The following VPS13D variants were observed in gnomAD, a reference collection of about 807,000 sequenced individuals.
VPS13D encodes vacuolar protein sorting 13 homolog D.
A neutral mutation model predicts 461.9 loss-of-function variants in VPS13D; 187 were observed. That is an observed-to-expected ratio of 0.40 (90% CI 0.36 to 0.46). VPS13D has a LOEUF of 0.46. Among genes scored for constraint, VPS13D ranks in the 20% least tolerant of loss-of-function variants. The pLI, the probability that VPS13D is intolerant of heterozygous loss-of-function variation, is 0.60. For missense variants in VPS13D, 4,711 were observed against 5,364.9 expected (o/e 0.88, Z 3.81); for synonymous variants, 1,951 against 1,986.3 (o/e 0.98, Z 0.47).
At chr1:12,412,147 A>G (rs1479709641) in intron 63 of VPS13D, among the ~76,000 whole-genome samples, 1 of 152,246 alleles carries the variant, frequency 6.6e-6, no homozygotes, top group East Asian at 1.9e-4. Flanking sequence ...ATTAAACATT[A>G]TTGTGAAAAA....
chr1:12,273,810 A>G (rs926690988), intron 18 of VPS13D, among the ~76,000 whole-genome samples: 8 of 152,102 alleles, frequency 5.3e-5, no homozygotes, highest in Non-Finnish European at 1.2e-4. Flanking sequence ...GTTCATGGCC[A>G]TTTGAGTTGC....
At chr1:12,482,300 C>T (rs1292118759) in intron 67 of VPS13D, among the ~76,000 whole-genome samples, 2 of 152,210 alleles carry the variant, frequency 1.3e-5, no homozygotes, top group African/African-American at 4.8e-5. Flanking sequence ...GAAAGCCATT[C>T]CTGACTAAGC....
intron 35 of VPS13D, among the ~76,000 whole-genome samples, chr1:12,325,875 T>C (rs1643168275): frequency 6.6e-6 from 1 of 152,100 alleles, no homozygotes; most frequent in African/African-American, 2.4e-5. Context: ...TGGTGTGAAC[T>C]TTTGTCTATG....
At position 12,293,685 on chromosome 1, in the gene VPS13D, C is replaced by T. The variant is rs1642194536; in HGVS notation, c.6014C>T (p.Ala2005Val). Reference protein sequence around the residue: ...QLQDVLGRQRAAIEGQTVRDQ... With the variant: ...QLQDVLGRQRVAIEGQTVRDQ... ...CAGGATGTCTTAGGGCGCCAGCGAG[C>T]TGCTATTGAGGGGCAGACGGTAGGT... The change falls in exon 24 of 70, where the codon GCT becomes GTT. Residue 2005 changes from alanine (A) to valine (V), a missense_variant. Ala to Val is a moderately conservative substitution (Grantham distance 64). Transcript: ENST00000620676. The T allele has an allele frequency of 6.2e-7, 1 of 1,613,834 alleles. No individual in the cohort carries two copies. Among genetic ancestry groups the T allele is most frequent in the Non-Finnish European group, 8.5e-7 (1 of 1,179,930 alleles).
intron 68 of VPS13D, among the ~76,000 whole-genome samples, chr1:12,500,797 C>G (rs893884490): frequency 6.6e-5 from 10 of 151,036 alleles, no homozygotes; most frequent in African/African-American, 2.4e-4. Context: ...AAGTCATCCT[C>G]CCACCTCAGC....
At chr1:12,421,889 C>T (rs565197194) in intron 65 of VPS13D, among the ~76,000 whole-genome samples, 12 of 152,272 alleles carry the variant, frequency 7.9e-5, no homozygotes, top group South Asian at 4.2e-4. Context: ...GGTGCAATCT[C>T]GGCTCACTGA....
intron 42 of VPS13D, chr1:12,344,831 G>T (rs1643641269): frequency 1.3e-5 from 2 of 152,362 alleles, no homozygotes; most frequent in South Asian, 4.1e-4. Flanking sequence ...TGTTCCTCCT[G>T]TTCTGCCCAC....
chr1:12,308,656 T>A lies in VPS13D; in HGVS notation c.6650+15T>A. ...AATTTGGACAAGTGAGTGTTTTTTT[T>A]TTTTTTTGAGATGGAGTCTCGCTCT... On this transcript the variant is annotated intron_variant, in intron 27 of 69. Transcript: ENST00000620676. 1 of 1,612,012 alleles carries A rather than the reference T, an allele frequency of 6.2e-7. No homozygotes were observed. Among genetic ancestry groups the A allele is most frequent in the South Asian group, 1.1e-5 (1 of 90,870 alleles).
intron 67 of VPS13D, among the ~76,000 whole-genome samples, chr1:12,475,030 G>A (rs574029778): frequency 6.6e-6 from 1 of 152,224 alleles, no homozygotes; most frequent in South Asian, 2.1e-4. Flanking sequence ...TGACAGAGTA[G>A]CATGGAGCCT....
intron 67 of VPS13D, among the ~76,000 whole-genome samples, chr1:12,462,011 C>T (rs1188909616): frequency 6.6e-6 from 1 of 152,118 alleles, no homozygotes. Context: ...GATTTTCTGT[C>T]AGCCAGTACA....
At chr1:12,362,980 T>C in intron 51 of VPS13D, 92 bp from the exon 52 acceptor site, 3 of 1,580,512 alleles carry the variant, frequency 1.9e-6, no homozygotes, top group Non-Finnish European at 2.6e-6. Flanking sequence ...AGATAGCTCC[T>C]GTTAGAGGGT....
At chr1:12,317,925 C>T in intron 30 of VPS13D, 147 bp from the exon 31 acceptor site, 1 of 684,714 alleles carries the variant, frequency 1.5e-6, no homozygotes, top group Non-Finnish European at 2.5e-6. Flanking sequence ...GTTATTCAAC[C>T]AGTGTTCAAA....
At position 12,276,739 on chromosome 1, in the gene VPS13D, C is replaced by T. The variant is rs992560396; in HGVS notation, c.3151C>T (p.His1051Tyr). The part of the protein sequence containing the change: ...QSPVSGPNVA[H>Y]LTDGATLNDR... ...TCCTGTCTCTGGACCGAATGTGGCC[C>T]ACTTAACTGATGGAGCTACACTGAA... Residue 1051 changes from histidine (H) to tyrosine (Y), a missense_variant, in exon 19 of 70, where the codon CAC becomes TAC. Around this residue, in one of 3 missense-constraint regions of VPS13D, gnomAD observed 4,411 missense variants for 4,937.8 expected, o/e 0.89. Transcript: ENST00000620676. This position sits in a 1 kb window ranked among gnomAD's most constrained non-coding sequence, Gnocchi z 4.5. 2 of 1,614,168 alleles carry T rather than the reference C, an allele frequency of 1.2e-6. No homozygotes were observed. Among genetic ancestry groups the T allele is most frequent in the Non-Finnish European group, 1.7e-6 (2 of 1,180,028 alleles).
At chr1:12,370,586 T>G (rs943668586) in intron 54 of VPS13D, among the ~76,000 whole-genome samples, 2 of 152,250 alleles carry the variant, frequency 1.3e-5, no homozygotes, top group Non-Finnish European at 2.9e-5. Context: ...TAATTGAATC[T>G]GCAGAGAAGG....
intron 3 of VPS13D, among the ~76,000 whole-genome samples, chr1:12,243,246 T>C (rs1640439970): frequency 6.6e-6 from 1 of 151,688 alleles, no homozygotes; most frequent in Admixed American, 6.6e-5. Context: ...TGAGCCACCA[T>C]GCCTGGCCTC....
chr1:12,329,851 A>G lies in VPS13D; in HGVS notation c.8220A>G (p.Val2740=), dbSNP rs949848898. The change falls in exon 37 of 70, where the codon GTA becomes GTG. Residue 2740 remains valine, a synonymous_variant. Coordinates refer to ENST00000620676, the MANE Select transcript of VPS13D (RefSeq NM_015378.4). ...CAGGTCTGAATTTTCTTCAGCGTGT[A>G]AGAACTAGCCCTGAAGGCTATGCCC... ...TFSRLNFLQR[V]RTSPEGYAHF... The G allele has an allele frequency of 4.3e-6, 7 of 1,614,162 alleles. No individual in the cohort carries two copies. Among genetic ancestry groups the G allele is most frequent in the Admixed American group, 1.7e-5 (1 of 60,028 alleles).
chr1:12,464,584 A>G (rs76628199), intron 67 of VPS13D, among the ~76,000 whole-genome samples: 1 of 151,750 alleles, frequency 6.6e-6, no homozygotes, highest in East Asian at 1.9e-4. Context: ...CCCCCTCCTT[A>G]TGTTCTTTTA....
chr1:12,459,483 T>TTTC (rs534452722), intron 66 of VPS13D, among the ~76,000 whole-genome samples: 56 of 112,654 alleles, frequency 5.0e-4, no homozygotes, highest in African/African-American at 1.8e-3. Context: ...TTTTCTTTTC[T>TTTC]TTTTTTTTTT....
intron 2 of VPS13D, 38 bp from the exon 3 acceptor site, chr1:12,242,475 G>C: frequency 6.3e-7 from 1 of 1,586,714 alleles, no homozygotes; most frequent in Non-Finnish European, 8.7e-7. Flanking sequence ...TACTGTATTT[G>C]TTAAATGGAT....
Sources: allele counts gnomAD v4.1 joint callset (sites outside exome capture counted in the v4.1 genomes callset), GRCh38; gene constraint gnomAD v4.1.1; regional missense constraint gnomAD v4.1.1; non-coding constraint Gnocchi (gnomAD v3.1); transcripts MANE v1.5; gene names NCBI Gene and HGNC (gene_info 2026-07-23, HGNC 2026-07-21).